Variants in FMNL2 observed in about 807,000 individuals in gnomAD.
FMNL2 encodes the protein formin-like protein 2.
Under a neutral mutation model 130.2 loss-of-function variants are expected in FMNL2, and 51 were observed. That is an observed-to-expected ratio of 0.39 (90% CI 0.31 to 0.49). The LOEUF is 0.49. Among genes scored for constraint, FMNL2 ranks in the 20% least tolerant of loss-of-function variants. The pLI, the probability that FMNL2 is intolerant of heterozygous loss-of-function variation, is 0.85. For synonymous variants in FMNL2, 465 were observed against 467.1 expected, an observed-to-expected ratio of 1.00 and a Z score of 0.06; for missense variants, 977 against 1,316.2, an observed-to-expected ratio of 0.74 and a Z score of 3.99.
chr2:152,599,384 C>G (rs1580061970), intron 9 of FMNL2, among the ~76,000 whole-genome samples: 2 of 99,176 alleles, frequency 2.0e-5, no homozygotes, highest in African/African-American at 3.9e-5. Context: ...GTTTTACTCT[C>G]TAGAATTTAT....
chr2:152,418,597 G>C (rs1227167147), intron 1 of FMNL2, among the ~76,000 whole-genome samples: 1 of 152,146 alleles, frequency 6.6e-6, no homozygotes, highest in Non-Finnish European at 1.5e-5. Context: ...TATAATGTTG[G>C]TAAGGTTCAT....
intron 9 of FMNL2, among the ~76,000 whole-genome samples, chr2:152,591,280 A>G (rs890859743): frequency 6.6e-6 from 1 of 152,012 alleles, no homozygotes; most frequent in Non-Finnish European, 1.5e-5. Flanking sequence ...AAGTGCTAGG[A>G]TTACAGGCGT....
intron 1 of FMNL2, among the ~76,000 whole-genome samples, chr2:152,396,685 ACTCTCCCCT>A (rs1328572149): frequency 6.6e-6 from 1 of 151,704 alleles, no homozygotes; most frequent in East Asian, 1.9e-4. Flanking sequence ...TCAGGCTTTA[ACTCTCCCCT>A]CTCTCCCCTC....
chr2:152,638,285 G>C (rs1039549931), intron 23 of FMNL2, among the ~76,000 whole-genome samples: 1 of 152,192 alleles, frequency 6.6e-6, no homozygotes, highest in Non-Finnish European at 1.5e-5. Context: ...TGTATCAGAA[G>C]GATTTGTCCA....
intron 9 of FMNL2, among the ~76,000 whole-genome samples, chr2:152,596,553 A>G (rs1378493756): frequency 6.6e-6 from 1 of 152,216 alleles, no homozygotes; most frequent in African/African-American, 2.4e-5. Context: ...TTATGCTCTT[A>G]AAAATCACTG....
At position 152,404,233 on chromosome 2, in the gene FMNL2, A is replaced by G. The variant is rs147039420; in HGVS notation, c.117+68513A>G. On this transcript the variant is annotated intron_variant, in intron 1 of 25. Transcript: ENST00000288670. The stretch of plus-strand genomic sequence containing the variant: ...GAATTAATGCATCTTCAATGAATGT[A>G]ACTGTTACTACTGTGTATCATCGGT... Among the ~76,000 whole-genome samples, 99 of 152,302 alleles carry G rather than the reference A, an allele frequency of 6.5e-4. 1 individual carries two copies. Among genetic ancestry groups the G allele is most frequent in the African/African-American group, 2.3e-3 (94 of 41,568 alleles).
chr2:152,592,311 T>G (rs1257834227), intron 9 of FMNL2, among the ~76,000 whole-genome samples: 1 of 152,242 alleles, frequency 6.6e-6, no homozygotes, highest in Non-Finnish European at 1.5e-5. Flanking sequence ...TGTTAGGTGT[T>G]ATTGACAATG....
At chr2:152,537,242 G>A (rs1028623255) in intron 2 of FMNL2, among the ~76,000 whole-genome samples, 1 of 152,186 alleles carries the variant, frequency 6.6e-6, no homozygotes, top group African/African-American at 2.4e-5. Context: ...CCGTCACTTA[G>A]TTCTTTTCAC....
intron 2 of FMNL2, among the ~76,000 whole-genome samples, chr2:152,538,335 A>C (rs941799787): frequency 6.6e-6 from 1 of 152,002 alleles, no homozygotes; most frequent in Non-Finnish European, 1.5e-5. Flanking sequence ...ACTGGACTGC[A>C]GTGGCATGAT....
intron 1 of FMNL2, among the ~76,000 whole-genome samples, chr2:152,486,855 C>T (rs141554459): frequency 2.4e-4 from 36 of 152,222 alleles, no homozygotes; most frequent in African/African-American, 7.7e-4. Flanking sequence ...TTGTTAGTTA[C>T]GTAATCCTAC....
chr2:152,439,218 T>A (rs1687931314), intron 1 of FMNL2, among the ~76,000 whole-genome samples: 2 of 152,186 alleles, frequency 1.3e-5, no homozygotes, highest in South Asian at 2.1e-4. Flanking sequence ...ATGTCATATA[T>A]GAAAATGGTC....
At chr2:152,404,122 C>T (rs888150046) in intron 1 of FMNL2, among the ~76,000 whole-genome samples, 5 of 152,100 alleles carry the variant, frequency 3.3e-5, no homozygotes, top group Admixed American at 3.3e-4. Flanking sequence ...CAATCCATAC[C>T]CCCCGCCTTT....
At chr2:152,506,781 A>G (rs1308617455) in intron 1 of FMNL2, among the ~76,000 whole-genome samples, 2 of 152,212 alleles carry the variant, frequency 1.3e-5, no homozygotes. Flanking sequence ...GGTCTAAACA[A>G]CTATTTATGT....
chr2:152,506,535 C>G (rs1411551203), intron 1 of FMNL2, among the ~76,000 whole-genome samples: 3 of 151,702 alleles, frequency 2.0e-5, no homozygotes, highest in Admixed American at 6.6e-5. Flanking sequence ...CATTTTTTTT[C>G]AAATATTTTT....
rs978359750 is a variant in FMNL2 at position 152,390,335 on chromosome 2, G to A, written c.117+54615G>A. 29 of 1,174,610 alleles carry A rather than the reference G, an allele frequency of 2.5e-5. No homozygotes were observed. In the East Asian group the frequency reaches 2.6e-4, roughly 10 times the overall value. The allele number at this position is 1,174,610 out of a possible 1,614,324, so 72.8% of individuals were successfully genotyped here. ...ACGAAGTGAAGGTAGGGGAGAGCTC[G>A]TGGCTCATTGAGGATGGCAAGGTGG... On this transcript the variant is annotated intron_variant, in intron 1 of 25. Coordinates refer to ENST00000288670, the MANE Select transcript of FMNL2 (RefSeq NM_052905.4).
intron 1 of FMNL2, among the ~76,000 whole-genome samples, chr2:152,392,632 G>A (rs1460395576): frequency 6.6e-6 from 1 of 152,156 alleles, no homozygotes; most frequent in African/African-American, 2.4e-5. Context: ...TTTTATAAGA[G>A]CCTTAATCCC....
At chr2:152,446,481 ATTC>A (rs1345456150) in intron 1 of FMNL2, among the ~76,000 whole-genome samples, 2 of 152,222 alleles carry the variant, frequency 1.3e-5, no homozygotes, top group East Asian at 3.8e-4. Context: ...GCAGTATACT[ATTC>A]TTTCAACTTT....
intron 4 of FMNL2, among the ~76,000 whole-genome samples, chr2:152,549,795 A>G (rs1694838835): frequency 6.6e-6 from 1 of 152,218 alleles, no homozygotes; most frequent in African/African-American, 2.4e-5. Flanking sequence ...TCTCTAAGGT[A>G]GAATGATATC....
chr2:152,398,985 C>G (rs903493024), intron 1 of FMNL2, among the ~76,000 whole-genome samples: 3 of 152,170 alleles, frequency 2.0e-5, no homozygotes, highest in African/African-American at 7.2e-5. Context: ...GAGAGACAAA[C>G]ATGGGAGCCA....
Sources: allele counts gnomAD v4.1 joint callset (sites outside exome capture counted in the v4.1 genomes callset), GRCh38; gene constraint gnomAD v4.1.1; transcripts MANE v1.5; gene names NCBI Gene and HGNC (gene_info 2026-07-23, HGNC 2026-07-21).